Variants in TRHDE observed in about 807,000 individuals in gnomAD.
The protein encoded by TRHDE is thyrotropin releasing hormone degrading enzyme, also known as thyrotropin-releasing hormone-degrading ectoenzyme.
TRHDE carries 72 observed loss-of-function variants against 125.7 expected under a neutral mutation model. That is an observed-to-expected ratio of 0.57 (90% confidence interval 0.47 to 0.70). The LOEUF is 0.70. Ranked by LOEUF, TRHDE falls within the 30% of genes least tolerant of loss-of-function variation. The pLI is 0.00. For synonymous variants in TRHDE, 509 were observed against 509.1 expected (o/e 1.00, Z 0.00); for missense variants, 1,110 against 1,327.1 (o/e 0.84, Z 2.54).
intron 6 of TRHDE, among the ~76,000 whole-genome samples, chr12:72,516,419 A>C (rs967521256): frequency 6.6e-6 from 1 of 151,956 alleles, no homozygotes; most frequent in African/African-American, 2.4e-5. Flanking sequence ...GTGAATGGGA[A>C]TTCACTCATG....
At chr12:72,120,674 CTTTTTTTTT>C (rs36076979) in intron 2 of TRHDE, among the ~76,000 whole-genome samples, 2 of 118,776 alleles carry the variant, frequency 1.7e-5, no homozygotes, top group Non-Finnish European at 3.4e-5. Context: ...TACTCTTTAA[CTTTTTTTTT>C]TTTTTTTTTT....
chr12:72,205,761 T>C (rs548309192), intron 2 of TRHDE, among the ~76,000 whole-genome samples: 11 of 152,240 alleles, frequency 7.2e-5, no homozygotes, highest in East Asian at 1.9e-4. Context: ...AGTTTATCAA[T>C]TGATAGACAT....
intron 2 of TRHDE, among the ~76,000 whole-genome samples, chr12:72,164,822 A>C (rs566386786): frequency 6.6e-6 from 1 of 152,318 alleles, no homozygotes; most frequent in East Asian, 1.9e-4. Context: ...CCTGTGTTGC[A>C]AGGGATGAGC....
chr12:72,453,915 A>G (rs1462195816), intron 3 of TRHDE, among the ~76,000 whole-genome samples: 1 of 152,204 alleles, frequency 6.6e-6, no homozygotes, highest in African/African-American at 2.4e-5. Context: ...GTTGACCAGG[A>G]TAAGTATTTG....
intron 2 of TRHDE, among the ~76,000 whole-genome samples, chr12:72,353,988 T>A (rs1302304908): frequency 3.3e-5 from 5 of 151,610 alleles, no homozygotes; most frequent in African/African-American, 1.2e-4. Flanking sequence ...ACTTGGATGC[T>A]TATTACATCA....
intron 7 of TRHDE, among the ~76,000 whole-genome samples, chr12:72,545,826 T>C (rs1273332795): frequency 1.3e-5 from 2 of 151,686 alleles, no homozygotes; most frequent in Non-Finnish European, 3.0e-5. Flanking sequence ...TGGTTTTAGA[T>C]GTTATATGCT....
intron 2 of TRHDE, among the ~76,000 whole-genome samples, chr12:72,365,829 CT>C (rs1465850751): frequency 6.6e-6 from 1 of 152,122 alleles, no homozygotes; most frequent in Non-Finnish European, 1.5e-5. Flanking sequence ...TCTTACTCTT[CT>C]GGAGGTTAGA....
In TRHDE at chr12:72,138,246, G is replaced by A. The variant is rs936481030; in HGVS notation, n.279+32494G>A. 1.0e-3 allele frequency among the ~76,000 whole-genome samples: 154 copies of A among 152,076 alleles called. 1 individual carries two copies. Among genetic ancestry groups the A allele is most frequent in the African/African-American group, 3.5e-3 (147 of 41,418 alleles). On this transcript the variant is annotated intron_variant and non_coding_transcript_variant, in intron 2 of 4. Coordinates refer to the TRHDE transcript ENST00000548156. Reference sequence around the variant, plus strand: ...AAAAATTAGCCACACGTGGTGGTACGCACCTGTAGTGCCAGCTACTCCGGA... The same window carrying A: ...AAAAATTAGCCACACGTGGTGGTACACACCTGTAGTGCCAGCTACTCCGGA...
chr12:72,529,166 A>G (rs1224072579), intron 6 of TRHDE, among the ~76,000 whole-genome samples: 2 of 152,178 alleles, frequency 1.3e-5, no homozygotes, highest in African/African-American at 4.8e-5. Flanking sequence ...AAGAGTAAGA[A>G]ATTTATATAA....
chr12:72,503,288 T>C (rs1428015809), intron 6 of TRHDE, among the ~76,000 whole-genome samples: 2 of 152,214 alleles, frequency 1.3e-5, no homozygotes, highest in Admixed American at 6.5e-5. Flanking sequence ...TGTTGAGTTA[T>C]GGTAAATTCA....
rs144726433 is a variant in TRHDE at position 72,092,277 on chromosome 12, T to C, written n.174+4838T>C. On this transcript the variant is annotated intron_variant and non_coding_transcript_variant, in intron 1 of 4. Coordinates refer to the TRHDE transcript ENST00000548156. ...GCTATGTCATGGTTCAAAATGTTTT[T>C]GAATTTCTCTTCTGGAATTGCCTTT... Among the ~76,000 whole-genome samples the C allele has an allele frequency of 6.8e-3, 1,043 of 152,370 alleles. 16 individuals are homozygous for C. Among genetic ancestry groups the C allele is most frequent in the African/African-American group, 0.02 (837 of 41,588 alleles).
chr12:72,175,317 A>G (rs1446642299), intron 2 of TRHDE, among the ~76,000 whole-genome samples: 1 of 152,200 alleles, frequency 6.6e-6, no homozygotes, highest in Non-Finnish European at 1.5e-5. Flanking sequence ...GCTGTCCTAC[A>G]CTGCAGGATT....
At chr12:72,494,075 C>G (rs1402712266) in intron 5 of TRHDE, among the ~76,000 whole-genome samples, 1 of 152,014 alleles carries the variant, frequency 6.6e-6, no homozygotes, top group Non-Finnish European at 1.5e-5. Flanking sequence ...ATAGCAGGTG[C>G]TTAAAAAATA....
chr12:72,251,172 ATGTT>A (rs1331785165), intron 2 of TRHDE, among the ~76,000 whole-genome samples: 3 of 152,058 alleles, frequency 2.0e-5, no homozygotes, highest in South Asian at 4.1e-4. Context: ...GTGTGTATAT[ATGTT>A]TAATTCTATG....
chr12:72,220,052 C>G (rs565105443), intron 2 of TRHDE, among the ~76,000 whole-genome samples: 1 of 152,242 alleles, frequency 6.6e-6, no homozygotes, highest in South Asian at 2.1e-4. Context: ...TGAAAAGGCA[C>G]AGGCTTTTGA....
intron 5 of TRHDE, among the ~76,000 whole-genome samples, chr12:72,487,245 G>A (rs1393203203): frequency 6.6e-6 from 1 of 152,114 alleles, no homozygotes; most frequent in Non-Finnish European, 1.5e-5. Flanking sequence ...AATAATTGCT[G>A]AAAATTCCTA....
chr12:72,221,108 G>A (rs757842090), intron 2 of TRHDE, among the ~76,000 whole-genome samples: 13 of 151,916 alleles, frequency 8.6e-5, no homozygotes, highest in Non-Finnish European at 1.3e-4. Context: ...TTATTTGAGA[G>A]AATAAACTGA....
intron 2 of TRHDE, among the ~76,000 whole-genome samples, chr12:72,291,120 G>T (rs1334422078): frequency 6.6e-6 from 1 of 152,178 alleles, no homozygotes; most frequent in East Asian, 1.9e-4. Context: ...TGAGGTCCAG[G>T]CCTCACCATC....
chr12:72,204,602 T>G (rs1279890362), intron 2 of TRHDE, among the ~76,000 whole-genome samples: 3 of 152,200 alleles, frequency 2.0e-5, no homozygotes, highest in Non-Finnish European at 4.4e-5. Flanking sequence ...ATCTCAAACA[T>G]GTCCAAATTT....
Sources: allele counts gnomAD v4.1 joint callset (sites outside exome capture counted in the v4.1 genomes callset), GRCh38; gene constraint gnomAD v4.1.1; transcripts MANE v1.5; gene names NCBI Gene and HGNC (gene_info 2026-07-23, HGNC 2026-07-21).